Variants in RHPN2 observed in about 807,000 individuals in gnomAD.
The protein encoded by RHPN2 is rhophilin-2.
Under a neutral mutation model 79.0 loss-of-function variants are expected in RHPN2, and 40 were observed. The ratio of observed to expected loss-of-function variants is 0.51; its 90% CI spans 0.39 to 0.66. RHPN2 has a LOEUF of 0.66. Ranked by LOEUF, RHPN2 falls within the 30% of genes least tolerant of loss-of-function variation. The pLI is 0.00. For synonymous variants in RHPN2, 285 were observed against 363.5 expected (o/e 0.78, Z 2.46); for missense variants, 686 against 883.5 (o/e 0.78, Z 2.83).
rs1030740999 is a variant in RHPN2, at chr19:33,008,093, G to A, written c.681C>T (p.Tyr227=). 3.1e-6 allele frequency: 5 copies of A among 1,613,848 alleles called. No individual in the cohort carries two copies. In the African/African-American group the frequency reaches 4.0e-5, roughly 13 times the overall value. ...ASVLFNTGAL[Y]TQIGTRCDRQ... is the part of the protein sequence containing the mutation. The stretch of plus-strand genomic sequence containing the variant: ...GATCACACCGGGTCCCAATCTGGGT[G>A]TAGAGGGCCCCAGTGTTGAACAGGA... The change falls in exon 7 of 15, where the codon TAC becomes TAT. Residue 227 remains tyrosine, a synonymous_variant. Coordinates refer to ENST00000254260, the MANE Select transcript of RHPN2 (RefSeq NM_033103.5).
chr19:32,994,938 G>T (rs1174356926), intron 11 of RHPN2, among the ~76,000 whole-genome samples: 1 of 152,096 alleles, frequency 6.6e-6, no homozygotes, highest in East Asian at 1.9e-4. Context: ...GGTGAGACAA[G>T]AGCGAAATGA....
At chr19:33,034,676 G>T (rs1972042228) in intron 2 of RHPN2, among the ~76,000 whole-genome samples, 2 of 150,308 alleles carry the variant, frequency 1.3e-5, no homozygotes, top group African/African-American at 4.9e-5. Context: ...AGCTACTCAG[G>T]AGGCTGAGGC....
At chr19:33,033,474 G>A (rs1182295791) in intron 2 of RHPN2, among the ~76,000 whole-genome samples, 1 of 152,164 alleles carries the variant, frequency 6.6e-6, no homozygotes, top group Admixed American at 6.6e-5. Context: ...GCTGAGGCAG[G>A]AGAATCACTT....
At chr19:32,981,691 CTT>C (rs143731979) in intron 14 of RHPN2, among the ~76,000 whole-genome samples, 2 of 137,326 alleles carry the variant, frequency 1.5e-5, no homozygotes, top group East Asian at 4.3e-4. Context: ...TTCTTTTTTT[CTT>C]TTTTTTCTTT....
chr19:33,026,837 G>A lies in RHPN2; in HGVS notation c.186-205C>T, dbSNP rs535667052. 8.9e-6 allele frequency: 5 copies of A among 560,498 alleles called. No homozygotes were observed. The East Asian group carries it at 1.8e-4, about 20-fold the overall frequency. 34.7% of individuals were successfully genotyped at this position (560,498 alleles called of 1,614,324 possible). ...CCAGTACGTGGAGCTGGGGACACAG[G>A]CAATGACACTGTGAGCTGCAGACAT... On this transcript the variant is annotated intron_variant, in intron 2 of 14. Coordinates refer to ENST00000254260, the MANE Select transcript of RHPN2 (RefSeq NM_033103.5).
rs1443574249 is a variant in RHPN2, at chr19:32,979,914, A to G, written c.*82T>C. The stretch of plus-strand genomic sequence containing the variant: ...ACAGGATTTGAGAACAGATAGATAG[A>G]TATTTTCCATTATGGCACAAACGTT... On this transcript the variant is annotated 3_prime_UTR_variant, in exon 15 of 15. Coordinates refer to ENST00000254260, the MANE Select transcript of RHPN2 (RefSeq NM_033103.5). 6 of 1,488,988 alleles carry G rather than the reference A, an allele frequency of 4.0e-6. No homozygotes were observed. The highest frequency in any genetic ancestry group is 1.7e-5 in the Admixed American group (1 of 59,336). 92.2% of individuals were successfully genotyped at this position (1,488,988 alleles called of 1,614,324 possible).
intron 7 of RHPN2, among the ~76,000 whole-genome samples, chr19:33,003,399 A>T (rs1971766722): frequency 1.3e-5 from 2 of 151,786 alleles, no homozygotes; most frequent in South Asian, 4.2e-4. Flanking sequence ...GACAGGAGAA[A>T]AAAAAAAGAA....
At chr19:33,028,954 C>T (rs1335927427) in intron 2 of RHPN2, among the ~76,000 whole-genome samples, 1 of 151,948 alleles carries the variant, frequency 6.6e-6, no homozygotes, top group East Asian at 1.9e-4. Flanking sequence ...GCCTGGTCAA[C>T]ACGGTGAAAC....
rs1555712398 is a variant in RHPN2 at position 33,019,044 on chromosome 19, A to AAG, written c.390+2526_390+2527insCT. On this transcript the variant is annotated intron_variant, in intron 4 of 14. Transcript: ENST00000254260. The stretch of plus-strand genomic sequence containing the variant: ...GAAACTCCAGCTCAAAAAAAAAAAA[A>AAG]AAAGAAAGAAAGAAAGAAAAAAATA... Among the ~76,000 whole-genome samples, 66 of 140,220 alleles carry AAG rather than the reference A, an allele frequency of 4.7e-4. 1 individual carries two copies. The South Asian group carries it at 7.6e-3, about 16-fold the overall frequency. 92.0% of individuals were successfully genotyped at this position (140,220 alleles called of 152,430 possible).
At chr19:33,044,064 A>G (rs1348045079) in intron 2 of RHPN2, among the ~76,000 whole-genome samples, 185 bp downstream of exon 2, 1 of 132,752 alleles carries the variant, frequency 7.5e-6, no homozygotes, top group Non-Finnish European at 1.6e-5. Context: ...CCCAATCCCC[A>G]AACACACAAA....
At chr19:33,044,212 G>T (rs1972123642) in intron 2 of RHPN2, 37 bp downstream of exon 2, 8 of 1,465,110 alleles carry the variant, frequency 5.5e-6, no homozygotes, top group Non-Finnish European at 7.7e-6. Context: ...CAGATGACTA[G>T]GACTCAGGAG....
intron 2 of RHPN2, among the ~76,000 whole-genome samples, chr19:33,034,616 A>AAAAC (rs1972040902): frequency 6.7e-6 from 1 of 149,846 alleles, no homozygotes; most frequent in South Asian, 2.1e-4. Context: ...AAAAAAAAAA[A>AAAAC]AAAAAAATAC....
chr19:33,052,308 C>G (rs1972195646), intron 1 of RHPN2, among the ~76,000 whole-genome samples: 1 of 152,112 alleles, frequency 6.6e-6, no homozygotes, highest in Non-Finnish European at 1.5e-5. Context: ...AAAGATAAAG[C>G]TCACACATGC....
chr19:32,991,966 G>A lies in RHPN2; in HGVS notation c.1501C>T (p.Pro501Ser). 2 of 1,613,868 alleles carry A rather than the reference G, an allele frequency of 1.2e-6. No homozygotes were observed. Among genetic ancestry groups the A allele is most frequent in the Non-Finnish European group, 1.7e-6 (2 of 1,179,826 alleles). The change falls in exon 13 of 15, where the codon CCC becomes TCC. Residue 501 changes from proline to serine, a missense_variant. Transcript: ENST00000254260. ...TVTDFFQKLGPLSVFSANKRW... is the reference protein window; with the variant it reads ...TVTDFFQKLGSLSVFSANKRW... ...TTGTTAGCCGAAAACACAGATAAGGGGCCCTTTGGAAGAGAGCATCGTTAG... is the reference window on the plus strand; with the variant it reads ...TTGTTAGCCGAAAACACAGATAAGGAGCCCTTTGGAAGAGAGCATCGTTAG...
Position 33,044,298 on chromosome 19 carries a change from G to C in RHPN2, c.136C>G (p.Gln46Glu). 6.2e-7 allele frequency: 1 copy of C among 1,614,110 alleles called. No individual in the cohort carries two copies. Among genetic ancestry groups the C allele is most frequent in the Admixed American group, 1.7e-5 (1 of 59,992 alleles). ...CTCATCCGCACGGCTTTCAGGATCT[G>C]CTGATTCAAAGCAGCTCTTTGATTC... The part of the protein sequence containing the change: ...LQNQRAALNQ[Q>E]ILKAVRMRTG... The change falls in exon 2 of 15, where the codon CAG becomes GAG. Residue 46 changes from glutamine to glutamate, a missense_variant. Physicochemically the swap from Gln to Glu is conservative, Grantham distance 29. Coordinates refer to ENST00000254260, the MANE Select transcript of RHPN2 (RefSeq NM_033103.5).
intron 1 of RHPN2, among the ~76,000 whole-genome samples, chr19:33,060,894 T>C (rs1972274052): frequency 6.6e-6 from 1 of 152,168 alleles, no homozygotes; most frequent in African/African-American, 2.4e-5. Flanking sequence ...GCAAAGATGA[T>C]AGGTATTACA....
At position 32,994,055 on chromosome 19, in the gene RHPN2, T is replaced by G; in HGVS notation, c.1421-2A>C. On this transcript the variant is annotated splice_acceptor_variant, in intron 11 of 14. Transcript: ENST00000254260. LOFTEE classifies it high-confidence loss of function. Reference sequence around the variant, plus strand: ...TGTCAACCTCTTGCTCAGTTTTAGCTAGAATAGAGGATTAGAAATGGGAGG... The same window carrying G: ...TGTCAACCTCTTGCTCAGTTTTAGCGAGAATAGAGGATTAGAAATGGGAGG... The G allele has an allele frequency of 6.2e-7, 1 of 1,603,248 alleles. No individual in the cohort carries two copies. The highest frequency in any genetic ancestry group is 8.5e-7 in the Non-Finnish European group (1 of 1,170,264).
chr19:33,000,539 C>A (rs924799360), intron 9 of RHPN2, among the ~76,000 whole-genome samples: 15 of 152,010 alleles, frequency 9.9e-5, no homozygotes, highest in African/African-American at 3.6e-4. Context: ...CCTGAGCCCC[C>A]ACACGCTACC....
chr19:33,010,530 C>T (rs755336889), intron 6 of RHPN2, among the ~76,000 whole-genome samples: 60 of 151,514 alleles, frequency 4.0e-4, no homozygotes, highest in African/African-American at 1.4e-3. Flanking sequence ...CTACAAGGCA[C>T]GCGCAACTAT....
Sources: allele counts gnomAD v4.1 joint callset (sites outside exome capture counted in the v4.1 genomes callset), GRCh38; gene constraint gnomAD v4.1.1; transcripts MANE v1.5; gene names NCBI Gene and HGNC (gene_info 2026-07-23, HGNC 2026-07-21).